DCDC1: variants seen among roughly 807,000 people sequenced by gnomAD.
DCDC1 encodes the protein doublecortin domain-containing protein 1.
A neutral mutation model predicts 178.3 loss-of-function variants in DCDC1; 200 were observed. The observed-to-expected ratio is 1.12, with a 90% CI of 1.00 to 1.26. The LOEUF (loss-of-function observed/expected upper bound fraction) is 1.26. DCDC1 is among the 50% of genes most tolerant of loss of function. The probability of loss-of-function intolerance (pLI) is 0.00; values close to 1 mark genes in which losing one functional copy is unlikely to be tolerated. For synonymous variants in DCDC1, 690 were observed against 604.8 expected (o/e 1.14, Z -2.07); for missense variants, 1,983 against 1,749.2 (o/e 1.13, Z -2.38).
At chr11:30,921,945 G>A (rs1334889894) in intron 24 of DCDC1, among the ~76,000 whole-genome samples, 1 of 152,046 alleles carries the variant, frequency 6.6e-6, no homozygotes, top group East Asian at 1.9e-4. Context: ...GAGGTGATGA[G>A]ATGACCACTC....
At chr11:30,907,889 C>G (rs78269917) in intron 29 of DCDC1, among the ~76,000 whole-genome samples, 1 of 152,246 alleles carries the variant, frequency 6.6e-6, no homozygotes, top group African/African-American at 2.4e-5. Context: ...TAAGTGACAT[C>G]AATAGAAAGA....
At chr11:31,088,390 CTT>C (rs1044338239) in intron 17 of DCDC1, among the ~76,000 whole-genome samples, 6 of 151,882 alleles carry the variant, frequency 4.0e-5, no homozygotes, top group Non-Finnish European at 7.4e-5. Context: ...CCCTTTTCCT[CTT>C]TGTCTTGATT....
intron 6 of DCDC1, among the ~76,000 whole-genome samples, chr11:31,299,777 T>C (rs1003656165): frequency 3.3e-5 from 5 of 152,140 alleles, no homozygotes; most frequent in Non-Finnish European, 5.9e-5. Context: ...AAAATAACAT[T>C]TCAGGTAACT....
intron 1 of DCDC1, among the ~76,000 whole-genome samples, chr11:31,369,291 A>C (rs1298841092): frequency 6.6e-6 from 1 of 152,224 alleles, no homozygotes; most frequent in Non-Finnish European, 1.5e-5. Context: ...GCTAAGGTCT[A>C]AAAGAAATAT....
At chr11:31,235,941 C>T (rs992179989) in intron 9 of DCDC1, among the ~76,000 whole-genome samples, 2 of 151,894 alleles carry the variant, frequency 1.3e-5, no homozygotes, top group African/African-American at 2.4e-5. Context: ...AAAGAAAAAC[C>T]TCTATTTTTT....
chr11:31,083,385 T>C (rs1957301734), intron 17 of DCDC1, among the ~76,000 whole-genome samples: 1 of 152,198 alleles, frequency 6.6e-6, no homozygotes, highest in African/African-American at 2.4e-5. Context: ...GCAGGTCCAT[T>C]AGTCCATTGA....
intron 31 of DCDC1, chr11:30,904,071 T>C (rs115138929): frequency 0.019 from 2,845 of 153,712 alleles, 88 homozygotes; most frequent in African/African-American, 0.065. Flanking sequence ...AATAAGTAAG[T>C]AGTTAACCTT....
intron 20 of DCDC1, among the ~76,000 whole-genome samples, chr11:31,008,458 A>T (rs1484181203): frequency 6.6e-6 from 1 of 152,150 alleles, no homozygotes; most frequent in East Asian, 1.9e-4. Flanking sequence ...GGCATGAGTG[A>T]GTCAGGAGCT....
In DCDC1 at chr11:31,366,164, G is replaced by A. The variant is rs1469141303; in HGVS notation, c.-125+3533C>T. On this transcript the variant is annotated intron_variant, in intron 1 of 38. Transcript: ENST00000684477. ...AGAGATGAATTAAGTTCACATAGCC[G>A]TAAGAGGAAAAGCCTGGACTAAACA... 6.6e-5 allele frequency among the ~76,000 whole-genome samples: 10 copies of A among 152,276 alleles called. No individual in the cohort carries two copies. The South Asian group carries it at 1.0e-3, about 16-fold the overall frequency.
chr11:30,888,096 GAAAAAGAAAGAAAGAA>G (rs1943395940), intron 36 of DCDC1, among the ~76,000 whole-genome samples: 9 of 90,660 alleles, frequency 9.9e-5, no homozygotes, highest in African/African-American at 3.7e-4. Context: ...AAGAAAGAAA[GAAAAAGAAAGAAAGAA>G]AGAAAGAAAG....
intron 9 of DCDC1, among the ~76,000 whole-genome samples, chr11:31,150,880 C>G (rs1255364521): frequency 6.6e-6 from 1 of 152,146 alleles, no homozygotes; most frequent in Non-Finnish European, 1.5e-5. Flanking sequence ...TACTAAACTT[C>G]TGTGGGAATC....
intron 21 of DCDC1, among the ~76,000 whole-genome samples, chr11:30,945,776 A>G (rs1199278080): frequency 6.6e-6 from 1 of 151,898 alleles, no homozygotes; most frequent in African/African-American, 2.4e-5. Context: ...ATCTATAGAT[A>G]GATATGCACA....
intron 21 of DCDC1, among the ~76,000 whole-genome samples, chr11:30,933,956 TACA>T (rs1358252570): frequency 6.6e-6 from 1 of 152,164 alleles, no homozygotes; most frequent in Admixed American, 6.5e-5. Context: ...GGAATGAAAG[TACA>T]ACATTTTCCA....
chr11:31,008,525 T>A (rs1436283729), intron 20 of DCDC1, among the ~76,000 whole-genome samples: 6 of 152,214 alleles, frequency 3.9e-5, no homozygotes, highest in Non-Finnish European at 8.8e-5. Flanking sequence ...TACAGGTGTT[T>A]CAAATGTTTC....
At chr11:31,249,448 G>A (rs1216347562) in intron 8 of DCDC1, among the ~76,000 whole-genome samples, 1 of 152,114 alleles carries the variant, frequency 6.6e-6, no homozygotes, top group Non-Finnish European at 1.5e-5. Context: ...ATATAAATTA[G>A]TGGTTACTTA....
intron 11 of DCDC1, among the ~76,000 whole-genome samples, chr11:31,120,136 T>G (rs1036883867): frequency 6.6e-6 from 1 of 152,204 alleles, no homozygotes; most frequent in Admixed American, 6.6e-5. Context: ...ATGAACTAGA[T>G]GCTGGATGAA....
At chr11:31,171,428 G>A (rs1967229485) in intron 9 of DCDC1, among the ~76,000 whole-genome samples, 1 of 152,100 alleles carries the variant, frequency 6.6e-6, no homozygotes, top group Admixed American at 6.5e-5. Context: ...GCTGCAATTT[G>A]CCAATCCTTG....
intron 6 of DCDC1, 151 bp downstream of exon 6, chr11:31,305,464 T>A: frequency 1.0e-6 from 1 of 996,644 alleles, no homozygotes; most frequent in Non-Finnish European, 1.4e-6. Flanking sequence ...TTTCTTTCAT[T>A]AAGCACATTA....
At chr11:31,117,035 T>C (rs1320300714) in intron 11 of DCDC1, among the ~76,000 whole-genome samples, 2 of 152,174 alleles carry the variant, frequency 1.3e-5, no homozygotes, top group Admixed American at 1.3e-4. Context: ...CCAAAGACTC[T>C]AACCTCAAAA....
Sources: allele counts gnomAD v4.1 joint callset (sites outside exome capture counted in the v4.1 genomes callset), GRCh38; gene constraint gnomAD v4.1.1; transcripts MANE v1.5; gene names NCBI Gene and HGNC (gene_info 2026-07-23, HGNC 2026-07-21).